MCTP1: variants seen among roughly 807,000 people sequenced by gnomAD.
The protein encoded by MCTP1 is multiple C2 and transmembrane domain-containing protein 1.
A neutral mutation model predicts 120.6 loss-of-function variants in MCTP1; 69 were observed. The observed-to-expected ratio is 0.57, with a 90% CI of 0.47 to 0.70. The LOEUF is 0.70. MCTP1 is among the 30% of genes least tolerant of loss of function. MCTP1 has a pLI of 0.00. For missense variants in MCTP1, 1,203 were observed against 1,248.8 expected (o/e 0.96, Z 0.55); for synonymous variants, 529 against 493.1 (o/e 1.07, Z -0.96).
intron 1 of MCTP1, among the ~76,000 whole-genome samples, chr5:95,211,213 T>A (rs986130747): frequency 3.9e-5 from 6 of 152,144 alleles, no homozygotes; most frequent in Non-Finnish European, 7.4e-5. Flanking sequence ...TGAATCTGAA[T>A]GTTGGCCTGC....
chr5:94,985,289 GTGT>G (rs1271367201), intron 2 of MCTP1, among the ~76,000 whole-genome samples: 1 of 152,162 alleles, frequency 6.6e-6, no homozygotes, highest in African/African-American at 2.4e-5. Flanking sequence ...AAATCACTCA[GTGT>G]TGTTAATAAT....
chr5:95,181,004 C>A (rs1748539304), intron 1 of MCTP1, among the ~76,000 whole-genome samples: 1 of 152,198 alleles, frequency 6.6e-6, no homozygotes. Context: ...ATTGCTAAAA[C>A]CCTGGTCCAA....
chr5:95,117,066 A>T (rs1220510950), intron 1 of MCTP1, among the ~76,000 whole-genome samples: 1 of 152,164 alleles, frequency 6.6e-6, no homozygotes, highest in East Asian at 1.9e-4. Flanking sequence ...AACCCCATTA[A>T]AAGGTGGGCA....
At chr5:95,279,799 A>G (rs1760167299) in intron 1 of MCTP1, among the ~76,000 whole-genome samples, 1 of 152,204 alleles carries the variant, frequency 6.6e-6, no homozygotes, top group Non-Finnish European at 1.5e-5. Context: ...AGCACTTTTC[A>G]TGAATGCTAT....
intron 1 of MCTP1, among the ~76,000 whole-genome samples, chr5:95,143,374 T>C (rs907348236): frequency 1.3e-5 from 2 of 152,292 alleles, no homozygotes; most frequent in South Asian, 2.1e-4. Flanking sequence ...AAATAAAATT[T>C]CTAGGAGCCA....
intron 1 of MCTP1, among the ~76,000 whole-genome samples, chr5:95,032,296 T>A (rs1259066144): frequency 2.0e-5 from 3 of 152,146 alleles, no homozygotes; most frequent in Non-Finnish European, 4.4e-5. Flanking sequence ...TACATTCTCA[T>A]CTGTGCATGG....
intron 1 of MCTP1, among the ~76,000 whole-genome samples, chr5:95,031,177 G>GA (rs972677187): frequency 1.3e-5 from 2 of 150,960 alleles, no homozygotes; most frequent in East Asian, 1.9e-4. Context: ...CAGTCTGAGA[G>GA]AAAAAAAAAG....
Position 94,719,936 on chromosome 5 carries a change from C to T in MCTP1, c.2611-5050G>A, listed in dbSNP as rs376713778. Among the ~76,000 whole-genome samples, 8 of 152,126 alleles carry T rather than the reference C, an allele frequency of 5.3e-5. No homozygotes were observed. The East Asian group carries it at 1.2e-3, about 22-fold the overall frequency. ...CCTGGGGTCAGGTGTTCGAGACCAG[C>T]CTCAACGTGGAGAAACCCCGTCTCT... On this transcript the variant is annotated intron_variant, in intron 19 of 22. Transcript: ENST00000515393.
chr5:95,197,427 T>G (rs1562228352), intron 1 of MCTP1, among the ~76,000 whole-genome samples: 1 of 152,152 alleles, frequency 6.6e-6, no homozygotes, highest in Non-Finnish European at 1.5e-5. Flanking sequence ...TTCAGTGCAG[T>G]ATATTTGTAA....
chr5:94,851,869 G>A (rs1394582332), intron 17 of MCTP1, among the ~76,000 whole-genome samples: 1 of 151,818 alleles, frequency 6.6e-6, no homozygotes, highest in African/African-American at 2.4e-5. Flanking sequence ...TTAGAAGTAG[G>A]AGTGAAGGTA....
At chr5:94,756,845 A>C (rs1158000212) in intron 19 of MCTP1, among the ~76,000 whole-genome samples, 1 of 152,180 alleles carries the variant, frequency 6.6e-6, no homozygotes, top group Non-Finnish European at 1.5e-5. Flanking sequence ...TGTGCATGTT[A>C]TGTATTAAAG....
chr5:95,184,386 TA>T (rs1748965715), intron 1 of MCTP1, among the ~76,000 whole-genome samples: 1 of 152,112 alleles, frequency 6.6e-6, no homozygotes, highest in African/African-American at 2.4e-5. Flanking sequence ...ACCAAACATT[TA>T]AAAAATTGAC....
chr5:94,931,406 C>T (rs1176627399), intron 6 of MCTP1: 1 of 152,088 alleles, frequency 6.6e-6, no homozygotes, highest in Non-Finnish European at 1.5e-5. Flanking sequence ...TTATATTTTG[C>T]ATATCTTACA....
At chr5:95,282,745 T>C (rs1185980014) in intron 1 of MCTP1, among the ~76,000 whole-genome samples, 1 of 152,248 alleles carries the variant, frequency 6.6e-6, no homozygotes, top group East Asian at 1.9e-4. Context: ...AACATATTCA[T>C]ATTCTGCTTT....
intron 1 of MCTP1, among the ~76,000 whole-genome samples, chr5:95,280,161 C>T (rs1236095318): frequency 6.6e-6 from 1 of 152,174 alleles, no homozygotes; most frequent in African/African-American, 2.4e-5. Context: ...AGATACACTT[C>T]ATGTATAGAC....
intron 1 of MCTP1, among the ~76,000 whole-genome samples, chr5:95,276,382 C>A (rs1759837511): frequency 6.7e-6 from 1 of 149,652 alleles, no homozygotes; most frequent in Non-Finnish European, 1.5e-5. Context: ...TCTCAGCCTC[C>A]CGACTAGCTG....
intron 1 of MCTP1, among the ~76,000 whole-genome samples, chr5:95,170,056 A>G (rs1260545567): frequency 6.6e-6 from 1 of 152,178 alleles, no homozygotes; most frequent in Admixed American, 6.5e-5. Context: ...TTAGTGCTAT[A>G]AATTTCCCTC....
chr5:94,881,495 T>C (rs1226401189), intron 12 of MCTP1, among the ~76,000 whole-genome samples: 1 of 152,160 alleles, frequency 6.6e-6, no homozygotes, highest in Non-Finnish European at 1.5e-5. Flanking sequence ...GGATAATTGA[T>C]AAAAGAAATC....
chr5:94,774,682 GT>G (rs1392954005), intron 19 of MCTP1, among the ~76,000 whole-genome samples: 2 of 152,096 alleles, frequency 1.3e-5, no homozygotes, highest in Non-Finnish European at 2.9e-5. Context: ...AAAAGTGAGT[GT>G]TGTTTTGAGC....
Sources: gnomAD v4.1 joint callset for allele counts (sites outside exome capture counted in the v4.1 genomes callset) on GRCh38, gnomAD v4.1.1 for gene constraint, MANE v1.5 for transcripts, NCBI Gene and HGNC (gene_info 2026-07-23, HGNC 2026-07-21) for gene names.